Variants in GRIA4 observed in about 807,000 individuals in gnomAD.
GRIA4 encodes glutamate receptor 4.
Under a neutral mutation model 104.0 loss-of-function variants are expected in GRIA4, and 34 were observed. That is an observed-to-expected ratio of 0.33 (90% CI 0.25 to 0.44). The LOEUF (loss-of-function observed/expected upper bound fraction) is 0.44. Among genes scored for constraint, GRIA4 ranks in the 20% least tolerant of loss-of-function variants. The pLI is 1.00. For missense variants in GRIA4, 750 were observed against 1,096.5 expected (o/e 0.68, Z 4.46); for synonymous variants, 386 against 381.9 (o/e 1.01, Z -0.13).
At chr11:105,830,509 C>T (rs1226591147) in intron 4 of GRIA4, among the ~76,000 whole-genome samples, 1 of 152,004 alleles carries the variant, frequency 6.6e-6, no homozygotes, top group Non-Finnish European at 1.5e-5. Flanking sequence ...CTGGCTGGCT[C>T]ATAGCCCCTA....
At chr11:105,664,286 T>C (rs1952099850) in intron 3 of GRIA4, among the ~76,000 whole-genome samples, 1 of 148,996 alleles carries the variant, frequency 6.7e-6, no homozygotes, top group Non-Finnish European at 1.5e-5. Flanking sequence ...GAAGTGCAAA[T>C]GAAGGGCCCT....
At chr11:105,923,619 T>C (rs1295415923) in intron 11 of GRIA4, among the ~76,000 whole-genome samples, 1 of 152,178 alleles carries the variant, frequency 6.6e-6, no homozygotes, top group Non-Finnish European at 1.5e-5. Flanking sequence ...AGGGAAAAAG[T>C]ATCCTCATTT....
chr11:105,843,415 A>T lies in GRIA4; in HGVS notation c.488-18609A>T, dbSNP rs73554241. ...CAATAAATAATAACATTCAATATATAACTTATTAGAGCCTATCTTTGAATA... is the reference window on the plus strand; with the variant it reads ...CAATAAATAATAACATTCAATATATTACTTATTAGAGCCTATCTTTGAATA... On this transcript the variant is annotated intron_variant, in intron 4 of 16. Coordinates refer to ENST00000282499, the MANE Select transcript of GRIA4 (RefSeq NM_000829.4). 4.5e-3 allele frequency among the ~76,000 whole-genome samples: 693 copies of T among 152,330 alleles called. 10 individuals carry two copies. Among genetic ancestry groups the T allele is most frequent in the African/African-American group, 0.016 (661 of 41,576 alleles).
intron 5 of GRIA4, among the ~76,000 whole-genome samples, chr11:105,867,227 C>T (rs577161590): frequency 1.3e-5 from 2 of 152,130 alleles, no homozygotes; most frequent in African/African-American, 4.8e-5. Context: ...AATAATCCTA[C>T]CTCAGGGCAA....
At position 105,906,763 on chromosome 11, in the gene GRIA4, G is replaced by C. The variant is rs549639492; in HGVS notation, c.1158+1462G>C. Reference sequence around the variant, plus strand: ...CACAGCAGGCTCTTCTAAGGAGATTGACTGAAGCAAGGGAAGGAGATGTTA... The same window carrying C: ...CACAGCAGGCTCTTCTAAGGAGATTCACTGAAGCAAGGGAAGGAGATGTTA... On this transcript the variant is annotated intron_variant, in intron 9 of 16. Transcript: ENST00000282499. Among the ~76,000 whole-genome samples, 8 of 152,084 alleles carry C rather than the reference G, an allele frequency of 5.3e-5. 1 individual carries two copies. The highest frequency in any genetic ancestry group is 1.3e-4 in the Admixed American group (2 of 15,256).
At chr11:105,774,236 TCA>T (rs1411995323) in intron 4 of GRIA4, among the ~76,000 whole-genome samples, 1 of 151,042 alleles carries the variant, frequency 6.6e-6, no homozygotes, top group Admixed American at 6.6e-5. Flanking sequence ...AAAGAGGAAA[TCA>T]AAAATTTAAT....
chr11:105,886,722 C>G (rs1373668873), intron 5 of GRIA4, among the ~76,000 whole-genome samples: 2 of 152,042 alleles, frequency 1.3e-5, no homozygotes, highest in African/African-American at 4.8e-5. Context: ...AGTGAAGTTA[C>G]AAAGCTGCTC....
chr11:105,743,278 C>T (rs1939432851), intron 3 of GRIA4, among the ~76,000 whole-genome samples: 1 of 152,080 alleles, frequency 6.6e-6, no homozygotes, highest in Non-Finnish European at 1.5e-5. Context: ...TTTAAAATAA[C>T]CATTCAAATG....
chr11:105,882,434 T>C (rs1946100552), intron 5 of GRIA4, among the ~76,000 whole-genome samples: 1 of 152,166 alleles, frequency 6.6e-6, no homozygotes, highest in Admixed American at 6.5e-5. Flanking sequence ...TATTGATATA[T>C]AAAGGATTAA....
chr11:105,903,097 C>T (rs565918640), intron 7 of GRIA4, among the ~76,000 whole-genome samples: 1 of 152,252 alleles, frequency 6.6e-6, no homozygotes, highest in Non-Finnish European at 1.5e-5. Flanking sequence ...AGCAGATGGT[C>T]TACCCTTCAC....
Position 105,787,062 on chromosome 11 carries a change from C to T in GRIA4, c.487+33842C>T, listed in dbSNP as rs143554202. On this transcript the variant is annotated intron_variant, in intron 4 of 16. Coordinates refer to ENST00000282499, the MANE Select transcript of GRIA4 (RefSeq NM_000829.4). ...AACTTTACGGTGATTTCCATCCCTG[C>T]CATTCTGGTGAAAGGAACAGAGAGA... Among the ~76,000 whole-genome samples the T allele has an allele frequency of 8.5e-5, 13 of 152,216 alleles. No homozygotes were observed. The East Asian group carries it at 2.3e-3, about 27-fold the overall frequency.
Position 105,873,607 on chromosome 11 carries a change from C to T in GRIA4, c.672+11399C>T, listed in dbSNP as rs182599788. 1.4e-4 allele frequency among the ~76,000 whole-genome samples: 22 copies of T among 152,108 alleles called. No individual in the cohort carries two copies. The East Asian group carries it at 3.1e-3, about 21-fold the overall frequency. On this transcript the variant is annotated intron_variant, in intron 5 of 16. Transcript: ENST00000282499. ...ATCTGCTGTTTGACTTTTTAATGATCGCCATTCTAACTGGCATGAGATGGT... is the reference window on the plus strand; with the variant it reads ...ATCTGCTGTTTGACTTTTTAATGATTGCCATTCTAACTGGCATGAGATGGT...
chr11:105,906,249 G>T (rs1947037420), intron 9 of GRIA4, among the ~76,000 whole-genome samples: 1 of 151,938 alleles, frequency 6.6e-6, no homozygotes, highest in South Asian at 2.1e-4. Context: ...TTTCAAATGA[G>T]AAAATTATGG....
At chr11:105,620,523 GC>G (rs1950715594) in intron 3 of GRIA4, among the ~76,000 whole-genome samples, 1 of 151,590 alleles carries the variant, frequency 6.6e-6, no homozygotes, top group Admixed American at 6.6e-5. Flanking sequence ...TGTGACTGTC[GC>G]CGGTTAACCT....
chr11:105,888,509 A>G (rs1946356622), intron 6 of GRIA4, among the ~76,000 whole-genome samples: 2 of 150,804 alleles, frequency 1.3e-5, no homozygotes, highest in African/African-American at 4.9e-5. Flanking sequence ...GATGGTCTCG[A>G]TCTCCTGACC....
chr11:105,924,822 T>G (rs1201518389), intron 12 of GRIA4, 53 bp downstream of exon 12: 1 of 1,326,360 alleles, frequency 7.5e-7, no homozygotes, highest in East Asian at 2.3e-5. Context: ...ATTCTAAATG[T>G]TGTGCAGATT....
At chr11:105,811,261 G>A (rs1379880678) in intron 4 of GRIA4, among the ~76,000 whole-genome samples, 1 of 152,208 alleles carries the variant, frequency 6.6e-6, no homozygotes, top group Non-Finnish European at 1.5e-5. Flanking sequence ...GTGACTTTCA[G>A]ATGTCCTTCA....
intron 3 of GRIA4, among the ~76,000 whole-genome samples, chr11:105,648,648 C>G (rs1480561022): frequency 6.6e-6 from 1 of 151,668 alleles, no homozygotes; most frequent in Admixed American, 6.6e-5. Context: ...AAGAAACAAT[C>G]TGGAGAAAGA....
rs1859230192 is a variant in GRIA4, at chr11:105,980,956, T to G, written c.*1217T>G. 3 of 152,582 alleles carry G rather than the reference T, an allele frequency of 2.0e-5. No homozygotes were observed. Among genetic ancestry groups the G allele is most frequent in the Admixed American group, 1.3e-4 (2 of 15,276 alleles). 9.5% of individuals were successfully genotyped at this position (152,582 alleles called of 1,614,324 possible). A position where few individuals can be genotyped will look rare whatever the true frequency, so the allele number is the denominator to read the frequency against. ...CTAACAACAACATACCTTGTAATTG[T>G]GTGTTGAAATTTTACTTGACTGTAT... is the stretch of plus-strand genomic sequence containing the variant. On this transcript the variant is annotated 3_prime_UTR_variant, in exon 17 of 17. Transcript: ENST00000282499.
Sources: allele counts gnomAD v4.1 joint callset (sites outside exome capture counted in the v4.1 genomes callset), GRCh38; gene constraint gnomAD v4.1.1; transcripts MANE v1.5; gene names NCBI Gene and HGNC (gene_info 2026-07-23, HGNC 2026-07-21).